CAST: variants seen among roughly 807,000 people sequenced by gnomAD.
CAST encodes calpastatin.
A neutral mutation model predicts 119.6 loss-of-function variants in CAST; 76 were observed. The observed-to-expected ratio is 0.64, with a 90% CI of 0.53 to 0.77. The LOEUF (loss-of-function observed/expected upper bound fraction) is 0.77. Among genes scored for constraint, CAST ranks in the 30% least tolerant of loss-of-function variants. The probability of loss-of-function intolerance (pLI) is 0.00; values close to 1 mark genes in which losing one functional copy is unlikely to be tolerated. For synonymous variants in CAST, 319 were observed against 331.6 expected, an observed-to-expected ratio of 0.96 and a Z score of 0.41; for missense variants, 953 against 946.5, an observed-to-expected ratio of 1.01 and a Z score of -0.09.
chr5:96,394,627 T>C, the CAST span, among the ~76,000 whole-genome samples: 1 of 152,234 alleles, frequency 6.6e-6, no homozygotes, highest in Non-Finnish European at 1.5e-5. Flanking sequence ...AGAAAATTCA[T>C]GTTAGGAAAT....
the CAST span, among the ~76,000 whole-genome samples, chr5:96,001,918 T>G: frequency 6.6e-6 from 1 of 152,220 alleles, no homozygotes; most frequent in Non-Finnish European, 1.5e-5. Context: ...TGAAAGCTTT[T>G]CAGACAAGAG....
At chr5:96,260,611 C>T in the CAST span, among the ~76,000 whole-genome samples, 1 of 152,132 alleles carries the variant, frequency 6.6e-6, no homozygotes, top group African/African-American at 2.4e-5. Context: ...GCACAGACTG[C>T]ACAACCACAC....
At chr5:96,768,528 A>G (rs1468929650) in intron 29 of CAST, 2 of 376,398 alleles carry the variant, frequency 5.3e-6, no homozygotes, top group Middle Eastern at 3.7e-4. Context: ...TATATTTTAC[A>G]TAATTATACT....
chr5:96,132,115 A>G, the CAST span, among the ~76,000 whole-genome samples: 5 of 152,162 alleles, frequency 3.3e-5, no homozygotes, highest in Admixed American at 3.3e-4. Flanking sequence ...TCTTAAATGT[A>G]TGGCTATACT....
the CAST span, among the ~76,000 whole-genome samples, chr5:96,161,919 A>C: frequency 6.6e-5 from 10 of 152,234 alleles, no homozygotes; most frequent in South Asian, 2.1e-3. Context: ...TCAATTGTTC[A>C]TTGCTAGCAG....
At chr5:96,638,452 A>G (rs1179517976) in intron 1 of CAST, among the ~76,000 whole-genome samples, 1 of 152,180 alleles carries the variant, frequency 6.6e-6, no homozygotes, top group Non-Finnish European at 1.5e-5. Context: ...ATCTGTAAGC[A>G]ATGGCATTAC....
the CAST span, among the ~76,000 whole-genome samples, chr5:96,209,435 G>A: frequency 6.6e-6 from 1 of 151,946 alleles, no homozygotes; most frequent in Admixed American, 6.6e-5. Context: ...AATTAAGTGT[G>A]TTTTTTTAGT....
chr5:96,743,811 A>G, intron 16 of CAST: 1 of 1,032,356 alleles, frequency 9.7e-7, no homozygotes, highest in Non-Finnish European at 1.4e-6. Context: ...TACTTAGAGT[A>G]GCCGACAGAA....
the CAST span, among the ~76,000 whole-genome samples, chr5:96,360,361 C>G: frequency 6.6e-6 from 1 of 152,068 alleles, no homozygotes; most frequent in Non-Finnish European, 1.5e-5. Context: ...CATTCTCCAC[C>G]AGTTTGTTCC....
At chr5:96,447,040 T>G in the CAST span, among the ~76,000 whole-genome samples, 1 of 152,222 alleles carries the variant, frequency 6.6e-6, no homozygotes, top group African/African-American at 2.4e-5. Context: ...ATGATCATTC[T>G]GGTGCATGTT....
the CAST span, among the ~76,000 whole-genome samples, chr5:96,351,745 G>GA: frequency 1.4e-4 from 22 of 151,998 alleles, no homozygotes; most frequent in African/African-American, 4.8e-4. Flanking sequence ...AGAAATTGGT[G>GA]AAAAAAACTC....
At chr5:96,458,404 C>T in the CAST span, among the ~76,000 whole-genome samples, 45 of 152,210 alleles carry the variant, frequency 3.0e-4, no homozygotes, top group African/African-American at 9.9e-4. Flanking sequence ...GAAGTCATTA[C>T]TACACTTTGA....
At chr5:96,745,785 A>G (rs1763639969) in intron 16 of CAST, among the ~76,000 whole-genome samples, 1 of 152,220 alleles carries the variant, frequency 6.6e-6, no homozygotes, top group Non-Finnish European at 1.5e-5. Context: ...AGGTAAAACA[A>G]GTTATCCATG....
At chr5:96,385,925 T>G in the CAST span, among the ~76,000 whole-genome samples, 4 of 152,362 alleles carry the variant, frequency 2.6e-5, no homozygotes, top group Admixed American at 2.6e-4. Flanking sequence ...GCTTGGATGC[T>G]GGAATTACTG....
At chr5:96,760,802 A>G (rs971832100) in intron 24 of CAST, 25 of 151,930 alleles carry the variant, frequency 1.6e-4, no homozygotes, top group Non-Finnish European at 2.8e-4. Context: ...GAATGATGAC[A>G]ATTCAAGTCA....
At chr5:96,451,312 A>G in the CAST span, among the ~76,000 whole-genome samples, 4 of 152,226 alleles carry the variant, frequency 2.6e-5, no homozygotes, top group Non-Finnish European at 5.9e-5. Flanking sequence ...TAAGTAAAGT[A>G]ATACATAAAA....
At chr5:96,101,649 G>A in the CAST span, among the ~76,000 whole-genome samples, 1 of 152,030 alleles carries the variant, frequency 6.6e-6, no homozygotes, top group Non-Finnish European at 1.5e-5. Context: ...TCATTTATTT[G>A]ACCCACCGCA....
chr5:95,964,057 G>T, the CAST span, among the ~76,000 whole-genome samples: 1 of 152,038 alleles, frequency 6.6e-6, no homozygotes, highest in Non-Finnish European at 1.5e-5. Flanking sequence ...ATTTTAGTGG[G>T]TAACAAATCT....
chr5:96,038,920 A>G, the CAST span, among the ~76,000 whole-genome samples: 3 of 152,160 alleles, frequency 2.0e-5, no homozygotes, highest in Non-Finnish European at 4.4e-5. Context: ...TGGTATTTCT[A>G]GTTCTAGATC....
Sources: allele counts gnomAD v4.1 joint callset (sites outside exome capture counted in the v4.1 genomes callset), GRCh38; gene constraint gnomAD v4.1.1; transcripts MANE v1.5; gene names NCBI Gene and HGNC (gene_info 2026-07-23, HGNC 2026-07-21).